The following FHIT variants were observed in gnomAD, a reference collection of about 807,000 sequenced individuals.
The protein encoded by FHIT is bis(5'-adenosyl)-triphosphatase.
In FHIT, 19 loss-of-function variants were observed where a neutral mutation model predicts 17.9. That is an observed-to-expected ratio of 1.06 (90% CI 0.74 to 1.56). The LOEUF (loss-of-function observed/expected upper bound fraction) is 1.56, where lower values mean the gene tolerates loss of function less well. Ranked by LOEUF, FHIT falls within the 40% of genes most tolerant of loss-of-function variation. The probability of loss-of-function intolerance (pLI) is 0.00; values close to 1 mark genes in which losing one functional copy is unlikely to be tolerated. For synonymous variants in FHIT, 81 were observed against 69.7 expected, an observed-to-expected ratio of 1.16 and a Z score of -0.81; for missense variants, 248 against 189.2, an observed-to-expected ratio of 1.31 and a Z score of -1.82.
intron 2 of FHIT, among the ~76,000 whole-genome samples, chr3:61,154,652 C>T (rs2037484810): frequency 1.3e-5 from 2 of 152,166 alleles, no homozygotes; most frequent in Non-Finnish European, 2.9e-5. Context: ...TTCTGCATTG[C>T]TTTCGGCCAT....
At chr3:60,689,546 T>C (rs62251532) in intron 4 of FHIT, among the ~76,000 whole-genome samples, 8,233 of 152,238 alleles carry the variant, frequency 0.054, 308 homozygotes, top group African/African-American at 0.1. Flanking sequence ...CCTTCACAGA[T>C]ACCAAGGGAC....
At chr3:59,884,199 C>T (rs1703524085) in intron 8 of FHIT, among the ~76,000 whole-genome samples, 1 of 152,106 alleles carries the variant, frequency 6.6e-6, no homozygotes, top group African/African-American at 2.4e-5. Flanking sequence ...TTAACAAAAG[C>T]ATTCTGTGAG....
intron 5 of FHIT, among the ~76,000 whole-genome samples, chr3:60,185,311 A>C (rs546863167): frequency 6.6e-6 from 1 of 152,298 alleles, no homozygotes; most frequent in South Asian, 2.1e-4. Context: ...CTTCAGTAAC[A>C]ATGATTTGTT....
At chr3:59,832,356 G>A (rs887249500) in intron 8 of FHIT, among the ~76,000 whole-genome samples, 10 of 152,056 alleles carry the variant, frequency 6.6e-5, no homozygotes, top group African/African-American at 2.4e-4. Context: ...ATTGTGCTAG[G>A]TTCTGTTTTC....
At chr3:60,560,132 T>C (rs192487148) in intron 4 of FHIT, among the ~76,000 whole-genome samples, 52 of 152,128 alleles carry the variant, frequency 3.4e-4, no homozygotes, top group African/African-American at 1.2e-3. Flanking sequence ...ACACAGACAA[T>C]TGTAGGTTCC....
At chr3:60,504,277 T>C (rs1380412578) in intron 5 of FHIT, among the ~76,000 whole-genome samples, 1 of 151,702 alleles carries the variant, frequency 6.6e-6, no homozygotes, top group Non-Finnish European at 1.5e-5. Flanking sequence ...CTACTAAAAA[T>C]ACAAAAATTA....
In FHIT at chr3:60,734,675, T is replaced by G. The variant is rs1400516418; in HGVS notation, c.-18+87244A>C. Among the ~76,000 whole-genome samples, 309 of 152,342 alleles carry G rather than the reference T, an allele frequency of 2.0e-3. 4 individuals are homozygous for G. The highest frequency in any genetic ancestry group is 2.3e-3 in the East Asian group (12 of 5,176). On this transcript the variant is annotated intron_variant, in intron 4 of 9. Transcript: ENST00000492590. ...CCATCCCACCTGGCCTCAATCTCTGTATATTTTAGAGGATAGATAACTTCG... is the reference window on the plus strand; with the variant it reads ...CCATCCCACCTGGCCTCAATCTCTGGATATTTTAGAGGATAGATAACTTCG...
At chr3:60,822,555 G>C (rs1460536444) in intron 3 of FHIT, among the ~76,000 whole-genome samples, 1 of 152,138 alleles carries the variant, frequency 6.6e-6, no homozygotes, top group Non-Finnish European at 1.5e-5. Context: ...CCACTGGCCT[G>C]AGTTTGAATC....
chr3:60,303,973 A>G (rs1383683274), intron 5 of FHIT, among the ~76,000 whole-genome samples: 3 of 152,178 alleles, frequency 2.0e-5, no homozygotes, highest in South Asian at 2.1e-4. Flanking sequence ...TTTCCCTCCA[A>G]TGAGATGGGA....
Position 61,028,830 on chromosome 3 carries a change from T to C in FHIT, c.-111+13217A>G, listed in dbSNP as rs541388303. Among the ~76,000 whole-genome samples the C allele has an allele frequency of 3.1e-4, 46 of 148,970 alleles. 1 individual carries two copies. The South Asian group carries it at 9.6e-3, about 31-fold the overall frequency. On this transcript the variant is annotated intron_variant, in intron 3 of 9. Coordinates refer to ENST00000492590, the MANE Select transcript of FHIT (RefSeq NM_002012.4). Reference sequence around the variant, plus strand: ...TGGCTGACTTTGGGGACTAGGAGGGTGCAGGAACTAGACAGAGGGATTCCA... The same window carrying C: ...TGGCTGACTTTGGGGACTAGGAGGGCGCAGGAACTAGACAGAGGGATTCCA...
chr3:59,809,833 G>A (rs1700345551), intron 8 of FHIT, among the ~76,000 whole-genome samples: 1 of 152,122 alleles, frequency 6.6e-6, no homozygotes, highest in South Asian at 2.1e-4. Context: ...CCCTCACATT[G>A]TTCCTCCTTT....
chr3:60,419,743 C>A (rs999487195), intron 5 of FHIT, among the ~76,000 whole-genome samples: 1 of 152,048 alleles, frequency 6.6e-6, no homozygotes, highest in Non-Finnish European at 1.5e-5. Context: ...TTTGATGAAA[C>A]CTAAGGGCTT....
chr3:60,981,500 G>A (rs1304480327), intron 3 of FHIT, among the ~76,000 whole-genome samples: 2 of 151,842 alleles, frequency 1.3e-5, no homozygotes, highest in Non-Finnish European at 2.9e-5. Flanking sequence ...TCGTAGAGAT[G>A]GGGTTTCACT....
intron 3 of FHIT, among the ~76,000 whole-genome samples, chr3:60,999,942 G>A (rs2030951402): frequency 6.6e-6 from 1 of 152,124 alleles, no homozygotes; most frequent in African/African-American, 2.4e-5. Flanking sequence ...ACACAGTGGA[G>A]GGACTAGCAA....
chr3:60,178,969 G>A (rs1701803035), intron 5 of FHIT, among the ~76,000 whole-genome samples: 2 of 151,994 alleles, frequency 1.3e-5, no homozygotes, highest in African/African-American at 2.4e-5. Context: ...CATATTCAGA[G>A]CCCTATAAAA....
intron 1 of FHIT, among the ~76,000 whole-genome samples, chr3:61,245,947 G>C (rs375601985): frequency 6.6e-6 from 1 of 152,200 alleles, no homozygotes; most frequent in East Asian, 1.9e-4. Context: ...AGATAAGATA[G>C]AAGGTTGGCA....
intron 2 of FHIT, among the ~76,000 whole-genome samples, chr3:61,082,990 G>A (rs943601641): frequency 1.3e-5 from 2 of 152,108 alleles, no homozygotes; most frequent in Admixed American, 6.5e-5. Context: ...CTGATGTGTA[G>A]ATGATATTTA....
chr3:61,206,498 C>G (rs537714945), intron 1 of FHIT, among the ~76,000 whole-genome samples: 1 of 152,172 alleles, frequency 6.6e-6, no homozygotes, highest in South Asian at 2.1e-4. Flanking sequence ...TTTCATTGAG[C>G]AGTGGTTTGT....
At chr3:60,451,809 GA>G (rs1247478764) in intron 5 of FHIT, among the ~76,000 whole-genome samples, 1 of 152,094 alleles carries the variant, frequency 6.6e-6, no homozygotes, top group Non-Finnish European at 1.5e-5. Context: ...ATAAGGACCA[GA>G]AGGTTTCTAG....
Sources: gnomAD v4.1 joint callset for allele counts (sites outside exome capture counted in the v4.1 genomes callset) on GRCh38, gnomAD v4.1.1 for gene constraint, MANE v1.5 for transcripts, NCBI Gene and HGNC (gene_info 2026-07-23, HGNC 2026-07-21) for gene names.